The following PTPRG variants were observed in gnomAD, a reference collection of about 807,000 sequenced individuals.
The protein encoded by PTPRG is protein tyrosine phosphatase receptor type G.
A neutral mutation model predicts 165.3 loss-of-function variants in PTPRG; 102 were observed. That is an observed-to-expected ratio of 0.62 (90% CI 0.53 to 0.73). The LOEUF (loss-of-function observed/expected upper bound fraction) is 0.73. Among genes scored for constraint, PTPRG ranks in the 30% least tolerant of loss-of-function variants. The probability of loss-of-function intolerance (pLI) is 0.00; values close to 1 mark genes in which losing one functional copy is unlikely to be tolerated. For synonymous variants in PTPRG, 675 were observed against 669.5 expected (o/e 1.01, Z -0.13); for missense variants, 1,866 against 1,861.4 (o/e 1.00, Z -0.05).
chr3:61,813,722 T>C (rs1472552808), intron 2 of PTPRG, among the ~76,000 whole-genome samples: 1 of 152,084 alleles, frequency 6.6e-6, no homozygotes, highest in Non-Finnish European at 1.5e-5. Context: ...AACATCTTGT[T>C]TGATTTATTC....
intron 1 of PTPRG, among the ~76,000 whole-genome samples, chr3:61,695,131 C>A (rs958764321): frequency 2.0e-5 from 3 of 152,098 alleles, no homozygotes; most frequent in African/African-American, 7.2e-5. Context: ...CTGCCTCAGC[C>A]TCCTGAGTAG....
At chr3:61,792,169 T>A (rs148929268) in intron 2 of PTPRG, among the ~76,000 whole-genome samples, 4 of 152,014 alleles carry the variant, frequency 2.6e-5, no homozygotes, top group African/African-American at 9.6e-5. Context: ...GGCAGGCACA[T>A]GACTTTATGT....
At chr3:61,901,927 A>T (rs569722130) in intron 2 of PTPRG, among the ~76,000 whole-genome samples, 3 of 152,330 alleles carry the variant, frequency 2.0e-5, no homozygotes, top group African/African-American at 7.2e-5. Context: ...TTACCTGATA[A>T]TTATGCTTGC....
intron 6 of PTPRG, among the ~76,000 whole-genome samples, chr3:62,147,193 C>T (rs1277641411): frequency 6.6e-6 from 1 of 152,158 alleles, no homozygotes; most frequent in Non-Finnish European, 1.5e-5. Context: ...AGTTTCTGAA[C>T]CGTAAGTGTG....
chr3:61,696,258 G>A (rs1207961643), intron 1 of PTPRG, among the ~76,000 whole-genome samples: 2 of 152,168 alleles, frequency 1.3e-5, no homozygotes, highest in Non-Finnish European at 2.9e-5. Context: ...TCCTAGCACT[G>A]TGAGTGGCTG....
At chr3:61,688,203 A>T (rs548174385) in intron 1 of PTPRG, among the ~76,000 whole-genome samples, 7 of 152,200 alleles carry the variant, frequency 4.6e-5, no homozygotes, top group Non-Finnish European at 1.0e-4. Flanking sequence ...CCATGTTTCC[A>T]GCCAGATTTA....
chr3:61,796,193 A>G (rs2035038842), intron 2 of PTPRG, among the ~76,000 whole-genome samples: 1 of 152,238 alleles, frequency 6.6e-6, no homozygotes, highest in Non-Finnish European at 1.5e-5. Context: ...GCAAGATTAA[A>G]GAGACAGATC....
intron 4 of PTPRG, among the ~76,000 whole-genome samples, chr3:62,040,831 C>T (rs191976125): frequency 6.6e-6 from 1 of 152,310 alleles, no homozygotes; most frequent in African/African-American, 2.4e-5. Flanking sequence ...TGTGAACACA[C>T]TTTGATTTCT....
intron 6 of PTPRG, among the ~76,000 whole-genome samples, chr3:62,138,347 A>T (rs113529780): frequency 0.021 from 3,183 of 152,324 alleles, 79 homozygotes; most frequent in African/African-American, 0.054. Flanking sequence ...TGTTGCAAAT[A>T]TGAACAGTGC....
In PTPRG at chr3:62,281,662, A is replaced by C; in HGVS notation, c.3865A>C (p.Asn1289His). The C allele has an allele frequency of 6.2e-7, 1 of 1,611,180 alleles. No homozygotes were observed. The highest frequency in any genetic ancestry group is 8.5e-7 in the Non-Finnish European group (1 of 1,178,636). The change falls in exon 27 of 30, where the codon AAT becomes CAT. Residue 1289 changes from asparagine to histidine, a missense_variant. By Grantham distance (68) the Asn-to-His change is moderately conservative. Around this residue, in one of 3 missense-constraint regions of PTPRG, gnomAD observed 1,452 missense variants for 1,463.0 expected, o/e 0.99. Coordinates refer to ENST00000474889, the MANE Select transcript of PTPRG (RefSeq NM_002841.4). ...CAGCAAAGACAGACTGTGCCTCTCTAATGAAGAACAAATTATCATCCATGA... is the reference window on the plus strand; with the variant it reads ...CAGCAAAGACAGACTGTGCCTCTCTCATGAAGAACAAATTATCATCCATGA... ...LISKDRLCLS[N>H]EEQIIIHDFI...
At chr3:62,081,173 C>T (rs569526234) in intron 5 of PTPRG, among the ~76,000 whole-genome samples, 21 of 151,374 alleles carry the variant, frequency 1.4e-4, no homozygotes, top group Non-Finnish European at 2.5e-4. Context: ...AGGAGAATGG[C>T]GTGAACGTGG....
At chr3:62,072,633 G>A (rs78750561) in intron 4 of PTPRG, among the ~76,000 whole-genome samples, 2 of 136,088 alleles carry the variant, frequency 1.5e-5, no homozygotes, top group Non-Finnish European at 3.2e-5. Flanking sequence ...GTGTGTGTGT[G>A]TGTGTGTGTG....
intron 1 of PTPRG, among the ~76,000 whole-genome samples, chr3:61,716,510 A>C (rs2031813632): frequency 6.6e-6 from 1 of 152,176 alleles, no homozygotes; most frequent in Admixed American, 6.5e-5. Flanking sequence ...TTTATAAAGA[A>C]AGTGGTATAT....
chr3:61,621,012 C>T (rs1222894051), intron 1 of PTPRG, among the ~76,000 whole-genome samples: 1 of 127,850 alleles, frequency 7.8e-6, no homozygotes, highest in Admixed American at 8.5e-5. Flanking sequence ...AAAATTTGGA[C>T]CCATGCCCCA....
intron 4 of PTPRG, among the ~76,000 whole-genome samples, chr3:62,053,304 T>A (rs2106660300): frequency 6.7e-6 from 1 of 150,138 alleles, no homozygotes; most frequent in South Asian, 2.1e-4. Flanking sequence ...TCTCTTTCTG[T>A]CTCCCAGGCT....
At chr3:62,137,824 C>T (rs754978011) in intron 6 of PTPRG, among the ~76,000 whole-genome samples, 15 of 152,184 alleles carry the variant, frequency 9.9e-5, no homozygotes, top group Non-Finnish European at 2.1e-4. Context: ...GAGAAGACCA[C>T]ACCTCAAAAC....
intron 1 of PTPRG, among the ~76,000 whole-genome samples, chr3:61,590,338 A>G (rs538452894): frequency 6.6e-6 from 1 of 152,252 alleles, no homozygotes; most frequent in East Asian, 1.9e-4. Flanking sequence ...CCTGGCCAAC[A>G]TGGCCAAACC....
At chr3:61,942,173 A>G (rs538035894) in intron 2 of PTPRG, among the ~76,000 whole-genome samples, 2 of 147,584 alleles carry the variant, frequency 1.4e-5, no homozygotes, top group South Asian at 4.4e-4. Context: ...AAAAAAAAAA[A>G]GGAAGGAAGT....
intron 1 of PTPRG, among the ~76,000 whole-genome samples, chr3:61,580,368 C>T (rs1004967446): frequency 4.0e-5 from 6 of 151,122 alleles, no homozygotes; most frequent in African/African-American, 1.5e-4. Flanking sequence ...GTTCAAGGGT[C>T]AACTCTATTC....
Sources: gnomAD v4.1 joint callset for allele counts (sites outside exome capture counted in the v4.1 genomes callset) on GRCh38, gnomAD v4.1.1 for gene constraint, gnomAD v4.1.1 regional missense constraint, MANE v1.5 for transcripts, NCBI Gene and HGNC (gene_info 2026-07-23, HGNC 2026-07-21) for gene names.